JADE1: variants seen among roughly 807,000 people sequenced by gnomAD.
JADE1 encodes jade family PHD finger 1.
A neutral mutation model predicts 81.8 loss-of-function variants in JADE1; 14 were observed. The observed-to-expected ratio is 0.17, with a 90% CI of 0.11 to 0.27. The LOEUF is 0.27. Among genes scored for constraint, JADE1 ranks in the 10% least tolerant of loss-of-function variants. The pLI, the probability that JADE1 is intolerant of heterozygous loss-of-function variation, is 1.00. For synonymous variants in JADE1, 353 were observed against 391.9 expected, an observed-to-expected ratio of 0.90 and a Z score of 1.17; for missense variants, 690 against 1,047.9, an observed-to-expected ratio of 0.66 and a Z score of 4.71.
chr4:128,821,563 C>T (rs893311581), intron 1 of JADE1, among the ~76,000 whole-genome samples: 4 of 149,184 alleles, frequency 2.7e-5, no homozygotes, highest in South Asian at 4.2e-4. Flanking sequence ...GGCACGATCT[C>T]GGCTTACTGC....
chr4:128,858,850 C>T (rs1386058266), intron 8 of JADE1, among the ~76,000 whole-genome samples: 1 of 152,082 alleles, frequency 6.6e-6, no homozygotes, highest in African/African-American at 2.4e-5. Flanking sequence ...CCTCGTGATC[C>T]ACCCACCTCG....
At chr4:128,860,044 CA>C (rs1731193382) in intron 8 of JADE1, among the ~76,000 whole-genome samples, 2 of 152,272 alleles carry the variant, frequency 1.3e-5, no homozygotes, top group African/African-American at 4.8e-5. Flanking sequence ...TGCTGCAGTT[CA>C]TTTCTCTTTA....
chr4:128,869,064 A>T (rs192844690), intron 10 of JADE1, among the ~76,000 whole-genome samples: 1 of 152,326 alleles, frequency 6.6e-6, no homozygotes, highest in Non-Finnish European at 1.5e-5. Flanking sequence ...TATCTAACCA[A>T]TTATGTGCGA....
At chr4:128,819,881 T>A (rs1247628980) in intron 1 of JADE1, among the ~76,000 whole-genome samples, 1 of 152,126 alleles carries the variant, frequency 6.6e-6, no homozygotes, top group Non-Finnish European at 1.5e-5. Context: ...TGGGAGGAGG[T>A]GGCTGGCACA....
At chr4:128,850,244 T>A (rs1579193551) in intron 5 of JADE1, among the ~76,000 whole-genome samples, 1 of 145,660 alleles carries the variant, frequency 6.9e-6, no homozygotes. Flanking sequence ...CTTGAGGGGG[T>A]GGAGGTTTCC....
At chr4:128,838,511 C>A (rs904973689) in intron 2 of JADE1, among the ~76,000 whole-genome samples, 2 of 152,172 alleles carry the variant, frequency 1.3e-5, no homozygotes, top group African/African-American at 4.8e-5. Flanking sequence ...TAAATATCAG[C>A]ACTCTGGAAA....
At chr4:128,869,522 G>C (rs1248393921) in intron 10 of JADE1, among the ~76,000 whole-genome samples, 2 of 152,198 alleles carry the variant, frequency 1.3e-5, no homozygotes, top group African/African-American at 4.8e-5. Flanking sequence ...TATGTAATGA[G>C]TGATTCCCTG....
chr4:128,871,150 A>G lies in JADE1; in HGVS notation c.1622-205A>G, dbSNP rs1732162228. Among the ~76,000 whole-genome samples, 1 of 152,218 alleles carries G rather than the reference A, an allele frequency of 6.6e-6. No individual in the cohort carries two copies. The highest frequency in any genetic ancestry group is 1.5e-5 in the Non-Finnish European group (1 of 68,034). The stretch of plus-strand genomic sequence containing the variant: ...TCAGCTGTTTTAGAAAATGTGGCAT[A>G]TTGAGTCTGCAGATTGAATGGAGAT... On this transcript the variant is annotated intron_variant, in intron 10 of 10. Transcript: ENST00000226319. The surrounding 1 kb of genome is among the most constrained non-coding windows in gnomAD (Gnocchi z 4.1).
intron 9 of JADE1, chr4:128,863,805 C>T (rs1386282612): frequency 7.1e-6 from 7 of 985,340 alleles, no homozygotes; most frequent in Non-Finnish European, 8.4e-6. Flanking sequence ...CCGACACCTG[C>T]TGTAATTGGG....
intron 9 of JADE1, chr4:128,862,918 G>A (rs1446376309): frequency 4.9e-5 from 48 of 986,264 alleles, no homozygotes; most frequent in South Asian, 2.8e-4. Flanking sequence ...GTGTGTGCGC[G>A]TGCCCGTGTC....
chr4:128,867,556 T>A (rs1164977886), intron 9 of JADE1, among the ~76,000 whole-genome samples: 1 of 152,084 alleles, frequency 6.6e-6, no homozygotes, highest in Non-Finnish European at 1.5e-5. Flanking sequence ...CCGGGATGGG[T>A]TAGGTGTGAT....
At chr4:128,850,119 C>T (rs1237222687) in intron 5 of JADE1, among the ~76,000 whole-genome samples, 1 of 151,794 alleles carries the variant, frequency 6.6e-6, no homozygotes, top group Non-Finnish European at 1.5e-5. Context: ...CATGGTGAAA[C>T]CCCGTCTCTA....
intron 8 of JADE1, among the ~76,000 whole-genome samples, chr4:128,859,261 T>TG (rs1209820208): frequency 6.6e-6 from 1 of 151,846 alleles, no homozygotes; most frequent in Non-Finnish European, 1.5e-5. Flanking sequence ...TGTGCATGTG[T>TG]GGGGGTGTGA....
At chr4:128,855,023 C>T (rs1730671747) in intron 6 of JADE1, among the ~76,000 whole-genome samples, 1 of 152,040 alleles carries the variant, frequency 6.6e-6, no homozygotes, top group Admixed American at 6.6e-5. Context: ...TCTCCTTTTT[C>T]TGCCCTGTTT....
intron 2 of JADE1, among the ~76,000 whole-genome samples, chr4:128,835,137 G>A (rs1728880105): frequency 6.6e-6 from 1 of 152,190 alleles, no homozygotes; most frequent in Admixed American, 6.5e-5. Context: ...ATATTTATAG[G>A]TTATCAAAGG....
chr4:128,871,525 G>C lies in JADE1; in HGVS notation c.1792G>C (p.Asp598His). ...VHSLKKPHKR[D>H]PLQNSPGSEG... is the part of the protein sequence containing the mutation. ...TTCGCTGAAAAAGCCCCATAAGCGA[G>C]ATCCTTTGCAGAATAGCCCTGGAAG... The change falls in exon 11 of 11, where the codon GAT (aspartate) becomes CAT (histidine). Residue 598 changes from aspartate (D) to histidine (H), a missense_variant. Coordinates refer to ENST00000226319, the MANE Select transcript of JADE1 (RefSeq NM_199320.4). The surrounding 1 kb of genome is among the most constrained non-coding windows in gnomAD (Gnocchi z 4.1). The C allele has an allele frequency of 6.2e-7, 1 of 1,614,164 alleles. No homozygotes were observed. The highest frequency in any genetic ancestry group is 8.5e-7 in the Non-Finnish European group (1 of 1,180,032).
At position 128,871,504 on chromosome 4, in the gene JADE1, C is replaced by G. The variant is rs1732193199; in HGVS notation, c.1771C>G (p.Leu591Val). 6.2e-7 allele frequency: 1 copy of G among 1,614,028 alleles called. No homozygotes were observed. Among genetic ancestry groups the G allele is most frequent in the Admixed American group, 1.7e-5 (1 of 60,010 alleles). ...AATGGGTACTTCCTTGGTTCATTCG[C>G]TGAAAAAGCCCCATAAGCGAGATCC... ...KQMGTSLVHS[L>V]KKPHKRDPLQ... Residue 591 changes from leucine (L) to valine (V), a missense_variant, in exon 11 of 11, where the codon CTG (leucine) becomes GTG (valine). Physicochemically the swap from Leu to Val is conservative, Grantham distance 32 (BLOSUM62 1). Around this residue, in one of 8 missense-constraint regions of JADE1, gnomAD observed 86 missense variants for 95.4 expected, o/e 0.90. Transcript: ENST00000226319. This position sits in a 1 kb window ranked among gnomAD's most constrained non-coding sequence, Gnocchi z 4.1.
chr4:128,811,634 C>T (rs1320515043), intron 1 of JADE1, among the ~76,000 whole-genome samples: 6 of 4,608 alleles, frequency 1.3e-3, no homozygotes, highest in Admixed American at 7.9e-3. Flanking sequence ...CCGCCCGGGC[C>T]GGGGTGGGGG....
At chr4:128,863,040 GTT>G in intron 9 of JADE1, 1 of 985,422 alleles carries the variant, frequency 1.0e-6, no homozygotes, top group Non-Finnish European at 1.2e-6. Flanking sequence ...CTACAGATGT[GTT>G]GTTTGTCACA....
Sources: allele counts gnomAD v4.1 joint callset (sites outside exome capture counted in the v4.1 genomes callset), GRCh38; gene constraint gnomAD v4.1.1; regional missense constraint gnomAD v4.1.1; non-coding constraint Gnocchi (gnomAD v3.1); transcripts MANE v1.5; gene names NCBI Gene and HGNC (gene_info 2026-07-23, HGNC 2026-07-21).